The following RBFOX1 variants were observed in gnomAD, a reference collection of about 807,000 sequenced individuals.
RBFOX1 encodes the protein RNA binding fox-1 homolog 1, also known as RNA binding protein fox-1 homolog 1.
In RBFOX1, 8 loss-of-function variants were observed where a neutral mutation model predicts 57.7. That is an observed-to-expected ratio of 0.14 (90% CI 0.08 to 0.25). The LOEUF is 0.25. Ranked by LOEUF, RBFOX1 falls within the 10% of genes least tolerant of loss-of-function variation. The probability of loss-of-function intolerance (pLI) is 1.00; values close to 1 mark genes in which losing one functional copy is unlikely to be tolerated. For missense variants in RBFOX1, 611 were observed against 548.5 expected, an observed-to-expected ratio of 1.11 and a Z score of -1.14; for synonymous variants, 326 against 222.4, an observed-to-expected ratio of 1.47 and a Z score of -4.15.
At chr16:7,418,541 T>C (rs2098506862) in intron 4 of RBFOX1, among the ~76,000 whole-genome samples, 1 of 152,236 alleles carries the variant, frequency 6.6e-6, no homozygotes, top group East Asian at 1.9e-4. Context: ...CTGATGCCAT[T>C]AAAGTCTCTA....
intron 4 of RBFOX1, among the ~76,000 whole-genome samples, chr16:7,362,573 T>C (rs1205308257): frequency 6.6e-6 from 1 of 152,064 alleles, no homozygotes; most frequent in Non-Finnish European, 1.5e-5. Context: ...GTTTGCATGT[T>C]AGTGTGTGTA....
chr16:7,595,498 G>C, intron 7 of RBFOX1, 51 bp from the exon 8 acceptor site: 2 of 1,401,690 alleles, frequency 1.4e-6, no homozygotes, highest in East Asian at 5.0e-5. Context: ...AGTGGTCGTT[G>C]ACTGAAATAA....
chr16:6,049,577 C>T (rs1030610621), intron 1 of RBFOX1, among the ~76,000 whole-genome samples: 2 of 151,058 alleles, frequency 1.3e-5, no homozygotes, highest in African/African-American at 2.5e-5. Flanking sequence ...GGTTTTTTTC[C>T]TAACACCTGT....
intron 1 of RBFOX1, among the ~76,000 whole-genome samples, chr16:6,068,685 G>A (rs950621471): frequency 6.6e-6 from 1 of 152,170 alleles, no homozygotes; most frequent in African/African-American, 2.4e-5. Flanking sequence ...AGGTCTTCAG[G>A]ACTCAGATCT....
At chr16:6,491,471 G>A (rs2095631523) in intron 2 of RBFOX1, among the ~76,000 whole-genome samples, 1 of 152,162 alleles carries the variant, frequency 6.6e-6, no homozygotes, top group African/African-American at 2.4e-5. Flanking sequence ...TTACATCAAT[G>A]TTATAAGTGG....
intron 1 of RBFOX1, among the ~76,000 whole-genome samples, chr16:6,053,748 A>T (rs559110695): frequency 1.3e-5 from 2 of 152,162 alleles, no homozygotes; most frequent in Non-Finnish European, 2.9e-5. Flanking sequence ...CCTCACTTGT[A>T]CAATCTTAAT....
At chr16:6,339,488 A>G (rs1001066598) in intron 2 of RBFOX1, among the ~76,000 whole-genome samples, 2 of 152,064 alleles carry the variant, frequency 1.3e-5, no homozygotes, top group Non-Finnish European at 2.9e-5. Flanking sequence ...AAATGTGGAG[A>G]TCATTCATTG....
chr16:6,059,880 C>G (rs1036572634), intron 1 of RBFOX1, among the ~76,000 whole-genome samples: 1 of 152,036 alleles, frequency 6.6e-6, no homozygotes, highest in East Asian at 1.9e-4. Context: ...CCCATAATGA[C>G]TTGATGAGAG....
In RBFOX1 at chr16:7,029,163, CATAT is replaced by C. The variant is rs71147636; in HGVS notation, c.-15-22888_-15-22885del. On this transcript the variant is annotated intron_variant, in intron 3 of 15. Transcript: ENST00000550418. ...ATGTGTATATATGTATATATATACA[CATAT>C]ATATACGTATACGTGTATATATACA... 8.4e-3 allele frequency among the ~76,000 whole-genome samples: 342 copies of C among 40,520 alleles called. 38 individuals are homozygous for C. The highest frequency in any genetic ancestry group is 0.031 in the Middle Eastern group (3 of 98). The allele number at this position is 40,520 out of a possible 152,430, so 26.6% of individuals were successfully genotyped here. A position where few individuals can be genotyped will look rare whatever the true frequency, so the allele number is the denominator to read the frequency against.
intron 3 of RBFOX1, among the ~76,000 whole-genome samples, chr16:5,616,590 C>T (rs2048031543): frequency 1.3e-5 from 2 of 148,568 alleles, no homozygotes; most frequent in African/African-American, 4.9e-5. Context: ...CTCCCTCTCC[C>T]TCCTCCTCCT....
At chr16:6,768,137 C>A (rs957771548) in intron 3 of RBFOX1, among the ~76,000 whole-genome samples, 2 of 151,800 alleles carry the variant, frequency 1.3e-5, no homozygotes, top group African/African-American at 4.8e-5. Flanking sequence ...GCAGAGGTTG[C>A]AGTGAGCAGA....
chr16:5,708,472 A>C (rs1309323064), intron 3 of RBFOX1, among the ~76,000 whole-genome samples: 1 of 152,196 alleles, frequency 6.6e-6, no homozygotes, highest in Non-Finnish European at 1.5e-5. Context: ...ATTTCAGGCT[A>C]TTAGTAGATC....
chr16:6,955,788 C>G (rs1430012229), intron 3 of RBFOX1, among the ~76,000 whole-genome samples: 1 of 152,080 alleles, frequency 6.6e-6, no homozygotes, highest in African/African-American at 2.4e-5. Context: ...TCACTGCAAC[C>G]TCCATTTCCC....
chr16:6,068,207 C>T (rs2095791834), intron 1 of RBFOX1, among the ~76,000 whole-genome samples: 1 of 152,146 alleles, frequency 6.6e-6, no homozygotes, highest in Non-Finnish European at 1.5e-5. Flanking sequence ...ACATACCTGG[C>T]TTGTGGTCCA....
At chr16:5,496,198 C>A (rs937417134) in intron 2 of RBFOX1, among the ~76,000 whole-genome samples, 1 of 152,182 alleles carries the variant, frequency 6.6e-6, no homozygotes, top group East Asian at 1.9e-4. Flanking sequence ...ACATCTCTCT[C>A]GAGTGCACCT....
chr16:7,067,916 G>C (rs571352451), intron 4 of RBFOX1, among the ~76,000 whole-genome samples: 1 of 150,050 alleles, frequency 6.7e-6, no homozygotes, highest in South Asian at 2.1e-4. Context: ...TACTGGGTGT[G>C]AGCTGAGGGT....
intron 2 of RBFOX1, among the ~76,000 whole-genome samples, chr16:6,620,456 C>G (rs145384079): frequency 1.3e-5 from 2 of 152,192 alleles, no homozygotes; most frequent in East Asian, 1.9e-4. Flanking sequence ...CAAGAGCAAA[C>G]AAATCCCAAA....
At chr16:7,176,859 C>G (rs1318442897) in intron 4 of RBFOX1, among the ~76,000 whole-genome samples, 4 of 152,052 alleles carry the variant, frequency 2.6e-5, no homozygotes, top group Admixed American at 2.0e-4. Flanking sequence ...AAATGTAAGA[C>G]AGAGAGAAAG....
At chr16:7,444,060 A>G (rs1277423789) in intron 4 of RBFOX1, among the ~76,000 whole-genome samples, 1 of 152,240 alleles carries the variant, frequency 6.6e-6, no homozygotes. Context: ...GCTAATATAC[A>G]TGGAAGTTAA....
Sources: allele counts gnomAD v4.1 joint callset (sites outside exome capture counted in the v4.1 genomes callset), GRCh38; gene constraint gnomAD v4.1.1; transcripts MANE v1.5; gene names NCBI Gene and HGNC (gene_info 2026-07-23, HGNC 2026-07-21).